SETD4: variants seen among roughly 807,000 people sequenced by gnomAD.
The protein encoded by SETD4 is SET domain-containing protein 4.
A neutral mutation model predicts 58.3 loss-of-function variants in SETD4; 46 were observed. The ratio of observed to expected loss-of-function variants is 0.79; its 90% CI spans 0.62 to 1.01. SETD4 has a LOEUF of 1.01. Among genes scored for constraint, SETD4 ranks in the 50% least tolerant of loss-of-function variants. The probability of loss-of-function intolerance (pLI) is 0.00; values close to 1 mark genes in which losing one functional copy is unlikely to be tolerated. For synonymous variants in SETD4, 190 were observed against 202.6 expected, an observed-to-expected ratio of 0.94 and a Z score of 0.53; for missense variants, 490 against 523.3, an observed-to-expected ratio of 0.94 and a Z score of 0.62.
chr21:36,045,940 C>T lies in SETD4; in HGVS notation c.368G>A (p.Arg123Gln), dbSNP rs760434123. Reference sequence around the variant, plus strand: ...CTCCAGGTAAGGCTTCCAAAGAGATCGGTGCCCAGCATGCTTTTCTGAAAC... The same window carrying T: ...CTCCAGGTAAGGCTTCCAAAGAGATTGGTGCCCAGCATGCTTTTCTGAAAC... ...FLVSEKHAGH[R>Q]SLWKPYLEIL... The change falls in exon 6 of 12, where the codon CGA (arginine) becomes CAA (glutamine). Residue 123 changes from arginine (R) to glutamine (Q), a missense_variant. Physicochemically the swap from Arg to Gln is conservative, Grantham distance 43. Transcript: ENST00000332131. The T allele has an allele frequency of 8.7e-6, 14 of 1,614,052 alleles. No homozygotes were observed. Among genetic ancestry groups the T allele is most frequent in the South Asian group, 3.3e-5 (3 of 91,076 alleles).
At chr21:36,055,694 G>A (rs1320202072) in intron 3 of SETD4, among the ~76,000 whole-genome samples, 3 of 152,316 alleles carry the variant, frequency 2.0e-5, no homozygotes, top group East Asian at 1.9e-4. Flanking sequence ...TGTAAGCACT[G>A]GGCACGGGTC....
chr21:36,056,064 G>A (rs746668012), intron 3 of SETD4, among the ~76,000 whole-genome samples: 7 of 152,078 alleles, frequency 4.6e-5, no homozygotes, highest in East Asian at 1.9e-4. Context: ...CTGACAATAT[G>A]GTTCATGACC....
chr21:36,039,120 A>G (rs2063922970), intron 9 of SETD4, among the ~76,000 whole-genome samples: 1 of 152,212 alleles, frequency 6.6e-6, no homozygotes, highest in South Asian at 2.1e-4. Context: ...TGACAGGTGA[A>G]ATGAGTTCTC....
chr21:36,055,692 C>T (rs2064952370), intron 3 of SETD4, among the ~76,000 whole-genome samples: 1 of 152,226 alleles, frequency 6.6e-6, no homozygotes, highest in South Asian at 2.1e-4. Flanking sequence ...ACTGTAAGCA[C>T]TGGGCACGGG....
At chr21:36,054,734 G>A (rs2123751087) in intron 3 of SETD4, among the ~76,000 whole-genome samples, 1 of 151,432 alleles carries the variant, frequency 6.6e-6, no homozygotes, top group Non-Finnish European at 1.5e-5. Context: ...CTCATGGTGG[G>A]AATTCCTGCC....
rs2063731354 is a variant in SETD4, at chr21:36,034,889, T to C, written c.*1104A>G. On this transcript the variant is annotated 3_prime_UTR_variant, in exon 12 of 12. Coordinates refer to ENST00000332131, the MANE Select transcript of SETD4 (RefSeq NM_017438.5). ...TTATACTGAATATTGAAAAAAAATATACTGCAGCTACTGAAAAATAAACAC... is the reference window on the plus strand; with the variant it reads ...TTATACTGAATATTGAAAAAAAATACACTGCAGCTACTGAAAAATAAACAC... The C allele has an allele frequency of 6.6e-6, 1 of 152,154 alleles. No individual in the cohort carries two copies. Among genetic ancestry groups the C allele is most frequent in the African/African-American group, 2.4e-5 (1 of 41,436 alleles). 9.4% of individuals were successfully genotyped at this position (152,154 alleles called of 1,614,324 possible). A position where few individuals can be genotyped will look rare whatever the true frequency, so the allele number is the denominator to read the frequency against.
In SETD4 at chr21:36,050,018, T is replaced by C. The variant is rs969819333; in HGVS notation, c.208-1622A>G. ...ATGGTTAAGATGGTAAGTTTTATGT[T>C]AGATGAGCTTCCGGGTTTATGGATT... On this transcript the variant is annotated intron_variant, in intron 4 of 11. Transcript: ENST00000332131. Among the ~76,000 whole-genome samples, 3 of 152,226 alleles carry C rather than the reference T, an allele frequency of 2.0e-5. 1 individual carries two copies. In the South Asian group the frequency reaches 6.2e-4, roughly 32 times the overall value.
At chr21:36,050,430 C>T in intron 4 of SETD4, 1 of 1,614,138 alleles carries the variant, frequency 6.2e-7, no homozygotes, top group South Asian at 1.1e-5. Flanking sequence ...TGCCTACCCA[C>T]AAGTGGTGGT....
chr21:36,059,936 C>G (rs1363281022), intron 1 of SETD4: 88 of 985,290 alleles, frequency 8.9e-5, no homozygotes, highest in Non-Finnish European at 1.0e-4. Flanking sequence ...CCCGGGCCCT[C>G]GCGCGAGCTG....
Position 36,040,595 on chromosome 21 carries a change from TAAC to T in SETD4, c.1041_1043del (p.Leu348del). 2 of 1,613,876 alleles carry T rather than the reference TAAC, an allele frequency of 1.2e-6. No individual in the cohort carries two copies. The highest frequency in any genetic ancestry group is 8.5e-7 in the Non-Finnish European group (1 of 1,179,834). The stretch of plus-strand genomic sequence containing the variant: ...CTTACAATTTCTCAGCTTCCAGACA[TAAC>T]AACTTAAGGGCTGTGAGTAGCCTCC... On this transcript the variant is annotated inframe_deletion, in exon 9 of 12. Transcript: ENST00000332131.
rs1287785759 is a variant in SETD4 at position 36,041,942 on chromosome 21, T to C, written c.902-54A>G. The C allele has an allele frequency of 3.1e-6, 3 of 953,364 alleles. No homozygotes were observed. In the African/African-American group the frequency reaches 5.0e-5, roughly 16 times the overall value. The allele number at this position is 953,364 out of a possible 1,614,324, so 59.1% of individuals were successfully genotyped here. On this transcript the variant is annotated intron_variant, in intron 7 of 11. Transcript: ENST00000332131. ...TAGGGCATAAATTTGGACAAAAGTA[T>C]GTCTCCCTTCCCTTCTCAACTCACT...
intron 10 of SETD4, 139 bp downstream of exon 10, chr21:36,038,011 T>TA: frequency 9.5e-7 from 1 of 1,052,570 alleles, no homozygotes; most frequent in Non-Finnish European, 1.3e-6. Flanking sequence ...AAAACAAAAA[T>TA]AGAGATTACA....
chr21:36,043,946 G>A lies in SETD4; in HGVS notation c.737C>T (p.Ala246Val), dbSNP rs140817219. ...GTAAGAATGAGTTTCTTCATTAAAC[G>A]CTGCTTTTACCTAGAAAGAAAAACT... ...NHSPHVQVKA[A>V]FNEETHSYEI... Residue 246 changes from alanine (A) to valine (V), a missense_variant, in exon 7 of 12, where the codon GCG becomes GTG. By Grantham distance (64) the Ala-to-Val change is moderately conservative. Coordinates refer to ENST00000332131, the MANE Select transcript of SETD4 (RefSeq NM_017438.5). 122 of 1,613,818 alleles carry A rather than the reference G, an allele frequency of 7.6e-5. No homozygotes were observed. The highest frequency in any genetic ancestry group is 1.6e-4 in the South Asian group (15 of 91,002).
At chr21:36,053,644 G>C (rs749022139) in intron 3 of SETD4, 24 bp from the exon 4 acceptor site, 31 of 1,612,536 alleles carry the variant, frequency 1.9e-5, no homozygotes, top group Non-Finnish European at 2.6e-5. Flanking sequence ...GACAGAAAGA[G>C]AGTAAATCCT....
intron 4 of SETD4, among the ~76,000 whole-genome samples, chr21:36,051,823 T>C (rs1200987801): frequency 3.3e-5 from 5 of 152,238 alleles, no homozygotes; most frequent in African/African-American, 4.8e-5. Context: ...TTTTGTATTA[T>C]ACAGCTCTGA....
chr21:36,045,472 AGCC>A (rs2064272625), intron 6 of SETD4, 107 bp downstream of exon 6: 1 of 1,378,490 alleles, frequency 7.3e-7, no homozygotes, highest in Non-Finnish European at 9.9e-7. Flanking sequence ...GGTCACCTGA[AGCC>A]GCCGACACCT....
At position 36,035,967 on chromosome 21, in the gene SETD4, G is replaced by C; in HGVS notation, c.*33-7C>G. 1.8e-6 allele frequency: 2 copies of C among 1,106,328 alleles called. No homozygotes were observed. The highest frequency in any genetic ancestry group is 3.0e-5 in the South Asian group (2 of 66,326). The allele number at this position is 1,106,328 out of a possible 1,614,324, so 68.5% of individuals were successfully genotyped here. On this transcript the variant is annotated splice_region_variant and splice_polypyrimidine_tract_variant and intron_variant, in intron 11 of 11. Transcript: ENST00000332131. Reference sequence around the variant, plus strand: ...TCAAAATTAACTTTTGTTTCTGTAGGAAAAGCAAAAGGAAAAGGATTAAGT... The same window carrying C: ...TCAAAATTAACTTTTGTTTCTGTAGCAAAAGCAAAAGGAAAAGGATTAAGT...
intron 7 of SETD4, chr21:36,042,707 T>G (rs1221864760): frequency 1.3e-5 from 2 of 152,206 alleles, no homozygotes; most frequent in Admixed American, 1.3e-4. Context: ...AAACTGCTTC[T>G]CTACAGTTTC....
rs1001703727 is a variant in SETD4 at position 36,053,484 on chromosome 21, A to T, written c.207+99T>A. The T allele has an allele frequency of 1.3e-5, 15 of 1,138,834 alleles. No individual in the cohort carries two copies. In the African/African-American group the frequency reaches 1.8e-4, roughly 14 times the overall value. 70.5% of individuals were successfully genotyped at this position (1,138,834 alleles called of 1,614,324 possible). ...ATATCTATTAGGTAAGTAAGAAATG[A>T]CTGTATGTCTGAAATTTTTTTAATT... On this transcript the variant is annotated intron_variant, in intron 4 of 11. Coordinates refer to ENST00000332131, the MANE Select transcript of SETD4 (RefSeq NM_017438.5).
Sources: gnomAD v4.1 joint callset for allele counts (sites outside exome capture counted in the v4.1 genomes callset) on GRCh38, gnomAD v4.1.1 for gene constraint, MANE v1.5 for transcripts, NCBI Gene and HGNC (gene_info 2026-07-23, HGNC 2026-07-21) for gene names.